SNTB1: variants seen among roughly 807,000 people sequenced by gnomAD.
SNTB1 encodes beta-1-syntrophin.
SNTB1 carries 36 observed loss-of-function variants against 48.9 expected under a neutral mutation model. That is an observed-to-expected ratio of 0.74 (90% confidence interval 0.56 to 0.97). SNTB1 has a LOEUF of 0.97. Among genes scored for constraint, SNTB1 ranks in the 50% least tolerant of loss-of-function variants. The pLI is 0.00. For synonymous variants in SNTB1, 299 were observed against 294.6 expected, an observed-to-expected ratio of 1.01 and a Z score of -0.15; for missense variants, 786 against 703.4, an observed-to-expected ratio of 1.12 and a Z score of -1.33.
chr8:120,811,798 C>T lies in SNTB1; in HGVS notation c.46G>A (p.Gly16Arg), dbSNP rs766242649. 1.1e-5 allele frequency: 16 copies of T among 1,412,168 alleles called. No individual in the cohort carries two copies. Among genetic ancestry groups the T allele is most frequent in the Non-Finnish European group, 1.4e-5 (15 of 1,085,146 alleles). 87.5% of individuals were successfully genotyped at this position (1,412,168 alleles called of 1,614,324 possible). ...AAAAAGPAGA[G>R]GGRAQRSGLL... The stretch of plus-strand genomic sequence containing the variant: ...CCGCTCCGCTGCGCCCGGCCGCCTC[C>T]CGCGCCAGCCGGCCCAGCCGCCGCC... The change falls in exon 1 of 7, where the codon GGA (glycine) becomes AGA (arginine). Residue 16 changes from glycine (G) to arginine (R), a missense_variant. Coordinates refer to ENST00000517992, the MANE Select transcript of SNTB1 (RefSeq NM_021021.4).
chr8:120,716,679 T>G (rs530276912), intron 1 of SNTB1, among the ~76,000 whole-genome samples: 16 of 152,332 alleles, frequency 1.1e-4, no homozygotes, highest in African/African-American at 3.8e-4. Context: ...CCATGGAGGA[T>G]GAAAGTCAGC....
rs1409282746 is a variant in SNTB1, at chr8:120,757,897, C to CGCTGATGGCCATGTTTTTT, written c.571+53375_571+53376insAAAAAACATGGCCATCAGC. 1.4e-4 allele frequency among the ~76,000 whole-genome samples: 22 copies of CGCTGATGGCCATGTTTTTT among 152,158 alleles called. No individual in the cohort carries two copies. In the South Asian group the frequency reaches 4.0e-3, roughly 27 times the overall value. ...GGAAGTTAGTGATGGCCATGTTTTT[C>CGCTGATGGCCATGTTTTTT]GCTAAGTGGGAAAGACACTCTGAAA... is the stretch of plus-strand genomic sequence containing the variant. On this transcript the variant is annotated intron_variant, in intron 1 of 6. Transcript: ENST00000517992.
chr8:120,609,516 C>A (rs1454899158), intron 3 of SNTB1, among the ~76,000 whole-genome samples: 3 of 152,176 alleles, frequency 2.0e-5, no homozygotes, highest in Non-Finnish European at 2.9e-5. Context: ...TCCCTCCCAA[C>A]CTGCCACCTG....
intron 2 of SNTB1, among the ~76,000 whole-genome samples, chr8:120,648,840 A>G (rs1424998272): frequency 2.0e-5 from 3 of 152,160 alleles, no homozygotes; most frequent in Non-Finnish European, 4.4e-5. Flanking sequence ...AAATAGTCCC[A>G]TATTTCTTGG....
chr8:120,661,062 A>C (rs954189358), intron 2 of SNTB1, among the ~76,000 whole-genome samples: 1 of 152,216 alleles, frequency 6.6e-6, no homozygotes, highest in Non-Finnish European at 1.5e-5. Flanking sequence ...ATAGATACAA[A>C]ATAATGAGAA....
rs559437524 is a variant in SNTB1, at chr8:120,693,620, C to T, written c.788+72G>A. Reference sequence around the variant, plus strand: ...TGTTTTCAGAACATGAGGGCAATCTCGTGAAAGCCCCCATTTAGCCTGAGA... The same window carrying T: ...TGTTTTCAGAACATGAGGGCAATCTTGTGAAAGCCCCCATTTAGCCTGAGA... On this transcript the variant is annotated intron_variant, in intron 2 of 6. Transcript: ENST00000517992. 65 of 1,305,988 alleles carry T rather than the reference C, an allele frequency of 5.0e-5. No homozygotes were observed. The African/African-American group carries it at 8.2e-4, about 16-fold the overall frequency. The allele number at this position is 1,305,988 out of a possible 1,614,324, so 80.9% of individuals were successfully genotyped here. A position where few individuals can be genotyped will look rare whatever the true frequency, so the allele number is the denominator to read the frequency against.
At chr8:120,755,146 G>A (rs914182429) in intron 1 of SNTB1, among the ~76,000 whole-genome samples, 2 of 55,438 alleles carry the variant, frequency 3.6e-5, no homozygotes, top group Admixed American at 5.0e-4. Flanking sequence ...GTGGTGTTGT[G>A]TGTGTGTGTG....
At chr8:120,576,263 G>T (rs1198130619) in intron 3 of SNTB1, among the ~76,000 whole-genome samples, 1 of 152,166 alleles carries the variant, frequency 6.6e-6, no homozygotes, top group African/African-American at 2.4e-5. Flanking sequence ...AACTATCAAA[G>T]ATTTAATGTT....
At chr8:120,796,169 G>A (rs1040504152) in intron 1 of SNTB1, among the ~76,000 whole-genome samples, 7 of 151,948 alleles carry the variant, frequency 4.6e-5, no homozygotes, top group South Asian at 2.1e-4. Context: ...TCCTGCCACC[G>A]TGGTAAGACA....
chr8:120,784,573 C>A (rs1305822785), intron 1 of SNTB1, among the ~76,000 whole-genome samples: 2 of 152,094 alleles, frequency 1.3e-5, no homozygotes, highest in Non-Finnish European at 2.9e-5. Flanking sequence ...CTGACCCGAG[C>A]CACACTAATC....
chr8:120,686,771 T>C (rs978950579), intron 2 of SNTB1, among the ~76,000 whole-genome samples: 2 of 152,214 alleles, frequency 1.3e-5, no homozygotes, highest in Non-Finnish European at 2.9e-5. Context: ...GCAGTTAATC[T>C]GGACCTGTTT....
intron 4 of SNTB1, among the ~76,000 whole-genome samples, chr8:120,568,515 G>C (rs1191175191): frequency 6.6e-6 from 1 of 152,172 alleles, no homozygotes; most frequent in Non-Finnish European, 1.5e-5. Context: ...TTTTCCTTTG[G>C]CTTTGGAGAC....
rs201502609 is a variant in SNTB1, at chr8:120,772,244, T to TC, written c.571+39028_571+39029insG. The stretch of plus-strand genomic sequence containing the variant: ...ATATGGGGTTAGGGTCACACAATTT[T>TC]TTCTTCTTTTTTTTTTTTTGAGACA... On this transcript the variant is annotated intron_variant, in intron 1 of 6. Transcript: ENST00000517992. Among the ~76,000 whole-genome samples, 743 of 150,716 alleles carry TC rather than the reference T, an allele frequency of 4.9e-3. 7 individuals are homozygous for TC. Among genetic ancestry groups the TC allele is most frequent in the African/African-American group, 0.017 (693 of 40,802 alleles).
intron 2 of SNTB1, among the ~76,000 whole-genome samples, chr8:120,683,725 A>T (rs1009697553): frequency 2.6e-5 from 4 of 152,226 alleles, no homozygotes; most frequent in African/African-American, 9.6e-5. Context: ...AGAATGTCTT[A>T]CAAAATAATC....
chr8:120,811,145 C>A (rs1820420438), intron 1 of SNTB1, 128 bp downstream of exon 1: 16 of 1,043,506 alleles, frequency 1.5e-5, no homozygotes, highest in South Asian at 2.0e-5. Flanking sequence ...CCCCCCCCAA[C>A]ACACACACAC....
chr8:120,637,277 G>C (rs1451230695), intron 2 of SNTB1: 3 of 340,876 alleles, frequency 8.8e-6, no homozygotes, highest in Non-Finnish European at 1.7e-5. Context: ...CAAAAGCCCA[G>C]AGAACATCAG....
At chr8:120,777,533 G>A (rs896695778) in intron 1 of SNTB1, among the ~76,000 whole-genome samples, 3 of 152,196 alleles carry the variant, frequency 2.0e-5, no homozygotes, top group African/African-American at 7.2e-5. Flanking sequence ...CAAACAGTCT[G>A]TGCAAGTCTG....
intron 3 of SNTB1, among the ~76,000 whole-genome samples, chr8:120,628,059 C>T (rs1816913242): frequency 1.3e-5 from 2 of 152,088 alleles, no homozygotes; most frequent in South Asian, 2.1e-4. Flanking sequence ...TGAAAGAATA[C>T]GAAATGGAAA....
intron 3 of SNTB1, among the ~76,000 whole-genome samples, chr8:120,627,774 T>A (rs1816908368): frequency 6.6e-6 from 1 of 152,178 alleles, no homozygotes; most frequent in Non-Finnish European, 1.5e-5. Flanking sequence ...GATGGGATTG[T>A]TGGAGGCATT....
Sources: gnomAD v4.1 joint callset for allele counts (sites outside exome capture counted in the v4.1 genomes callset) on GRCh38, gnomAD v4.1.1 for gene constraint, MANE v1.5 for transcripts, NCBI Gene and HGNC (gene_info 2026-07-23, HGNC 2026-07-21) for gene names.